THAP4: variants seen among roughly 807,000 people sequenced by gnomAD.
THAP4 encodes the protein THAP domain containing 4.
Under a neutral mutation model 48.1 loss-of-function variants are expected in THAP4, and 18 were observed. The observed-to-expected ratio is 0.37, with a 90% CI of 0.26 to 0.56. THAP4 has a LOEUF of 0.56. Among genes scored for constraint, THAP4 ranks in the 20% least tolerant of loss-of-function variants. The pLI is 0.78. For missense variants in THAP4, 656 were observed against 774.9 expected (o/e 0.85, Z 1.82); for synonymous variants, 345 against 324.9 (o/e 1.06, Z -0.66).
chr2:241,621,729 CAG>C (rs1421783593), intron 2 of THAP4, among the ~76,000 whole-genome samples: 1 of 152,112 alleles, frequency 6.6e-6, no homozygotes, highest in Non-Finnish European at 1.5e-5. Flanking sequence ...AACCATAGTT[CAG>C]AGTTTTCCAA....
At chr2:241,605,171 C>T (rs1005559169) in intron 3 of THAP4, among the ~76,000 whole-genome samples, 1 of 151,970 alleles carries the variant, frequency 6.6e-6, no homozygotes, top group African/African-American at 2.4e-5. Flanking sequence ...ATTACTTTGA[C>T]CTCATGCATT....
In THAP4 at chr2:241,629,407, G is replaced by T. The variant is rs573477145; in HGVS notation, c.1240+3510C>A. Among the ~76,000 whole-genome samples the T allele has an allele frequency of 4.7e-4, 72 of 151,866 alleles. 1 individual carries two copies. Among genetic ancestry groups the T allele is most frequent in the Non-Finnish European group, 9.1e-4 (62 of 67,940 alleles). On this transcript the variant is annotated intron_variant, in intron 2 of 5. Coordinates refer to ENST00000407315, the MANE Select transcript of THAP4 (RefSeq NM_015963.6). ...GATGGCTTGAGCCCAGGAGGTCAAG[G>T]CTGCAGTGAGCTGTGATAGGACCAC...
chr2:241,599,578 T>G (rs2067088325), intron 5 of THAP4, among the ~76,000 whole-genome samples: 1 of 152,192 alleles, frequency 6.6e-6, no homozygotes, highest in Non-Finnish European at 1.5e-5. Context: ...AAGACCTGTA[T>G]AATTAAAACT....
At chr2:241,591,014 A>C (rs201227898) in intron 5 of THAP4, among the ~76,000 whole-genome samples, 188 of 68,524 alleles carry the variant, frequency 2.7e-3, no homozygotes, top group South Asian at 9.7e-3. Flanking sequence ...AATGGGCACT[A>C]GGACACACAG....
At chr2:241,608,926 A>C (rs1458909325) in intron 2 of THAP4, among the ~76,000 whole-genome samples, 1 of 152,228 alleles carries the variant, frequency 6.6e-6, no homozygotes, top group East Asian at 1.9e-4. Context: ...GAAGTGCCAG[A>C]GACGGAGGTC....
intron 5 of THAP4, among the ~76,000 whole-genome samples, chr2:241,585,361 G>A (rs1032247989): frequency 6.6e-6 from 1 of 150,502 alleles, no homozygotes; most frequent in Admixed American, 6.7e-5. Context: ...TCTCTGATGG[G>A]CACTATCTCT....
chr2:241,628,925 CAAAAAAAAAAAAA>C (rs34034619), intron 2 of THAP4, among the ~76,000 whole-genome samples: 1 of 64,348 alleles, frequency 1.6e-5, no homozygotes, highest in Non-Finnish European at 2.9e-5. Flanking sequence ...GAGATTGTCT[CAAAAAAAAAAAAA>C]AAAAAAAAAA....
intron 2 of THAP4, among the ~76,000 whole-genome samples, chr2:241,619,802 C>T (rs1244349652): frequency 2.0e-5 from 1 of 50,198 alleles, no homozygotes; most frequent in Non-Finnish European, 3.7e-5. Context: ...GTGCGTGAGT[C>T]GTGAGTGAGG....
At chr2:241,636,111 T>C (rs2067645183) in intron 1 of THAP4, among the ~76,000 whole-genome samples, 1 of 152,346 alleles carries the variant, frequency 6.6e-6, no homozygotes, top group Admixed American at 6.5e-5. Context: ...CTGGCTGACT[T>C]GTGAAATAAT....
intron 3 of THAP4, among the ~76,000 whole-genome samples, chr2:241,604,942 C>T (rs1034441301): frequency 6.6e-6 from 1 of 152,212 alleles, no homozygotes; most frequent in Non-Finnish European, 1.5e-5. Flanking sequence ...CAAAGAAATA[C>T]ATTTATACCA....
rs2067340634 is a variant in THAP4, at chr2:241,616,003, G to A, written c.1241-9530C>T. 6.6e-6 allele frequency among the ~76,000 whole-genome samples: 1 copy of A among 152,218 alleles called. No homozygotes were observed. ...TGGGGACACACTCTGCCCCAGTCCT[G>A]CAGCTGGAGCAGCCCAGAGCCCCTG... On this transcript the variant is annotated intron_variant, in intron 2 of 5. Transcript: ENST00000407315. This position sits in a 1 kb window ranked among gnomAD's most constrained non-coding sequence, Gnocchi z 4.6.
At chr2:241,590,677 T>G (rs2066956747) in intron 5 of THAP4, among the ~76,000 whole-genome samples, 1 of 151,874 alleles carries the variant, frequency 6.6e-6, no homozygotes, top group Non-Finnish European at 1.5e-5. Context: ...CACTCAGAGC[T>G]GCTCGGCTGA....
chr2:241,633,870 C>T lies in THAP4; in HGVS notation c.287G>A (p.Gly96Asp), dbSNP rs1233304598. ...ATCTTTTCTCCGGGTGCGGCCATGG[C>T]CTCCAGCCCCCCTCTTCTTCTCGGT... ...HLTEKKRGAG[G>D]HGRTRRKDAS... Residue 96 changes from glycine to aspartate, a missense_variant, in exon 2 of 6, where the codon GGC becomes GAC. Around this residue, in one of 4 missense-constraint regions of THAP4, gnomAD observed 391 missense variants for 412.4 expected, o/e 0.95. Coordinates refer to ENST00000407315, the MANE Select transcript of THAP4 (RefSeq NM_015963.6). The surrounding 1 kb of genome is among the most constrained non-coding windows in gnomAD (Gnocchi z 7.5). 3 of 1,613,838 alleles carry T rather than the reference C, an allele frequency of 1.9e-6. No homozygotes were observed. Among genetic ancestry groups the T allele is most frequent in the Non-Finnish European group, 1.7e-6 (2 of 1,179,826 alleles).
intron 2 of THAP4, among the ~76,000 whole-genome samples, chr2:241,631,098 T>C (rs1575040046): frequency 6.6e-6 from 1 of 152,132 alleles, no homozygotes; most frequent in East Asian, 1.9e-4. Context: ...CAGTATACAA[T>C]TTCAACCCAA....
At chr2:241,614,231 T>A (rs765850561) in intron 2 of THAP4, among the ~76,000 whole-genome samples, 59 of 150,872 alleles carry the variant, frequency 3.9e-4, no homozygotes, top group Non-Finnish European at 5.0e-4. Context: ...AAATGAGAGA[T>A]GCACCTAAAA....
In THAP4 at chr2:241,601,780, AG is replaced by A. The variant is rs758267935; in HGVS notation, c.1614+115del. 1 of 1,537,880 alleles carries A rather than the reference AG, an allele frequency of 6.5e-7. No homozygotes were observed. The highest frequency in any genetic ancestry group is 1.2e-5 in the South Asian group (1 of 83,994). ...GGGAAAAGAAGGAGACAGTGAAGAC[AG>A]GCCTGTGAGACACAGTGGCAAGACA... On this transcript the variant is annotated intron_variant, in intron 5 of 5. Coordinates refer to ENST00000407315, the MANE Select transcript of THAP4 (RefSeq NM_015963.6). The surrounding 1 kb of genome is among the most constrained non-coding windows in gnomAD (Gnocchi z 4.0).
Position 241,616,512 on chromosome 2 carries a change from T to C in THAP4, c.1241-10039A>G, listed in dbSNP as rs542243002. Among the ~76,000 whole-genome samples, 20 of 152,254 alleles carry C rather than the reference T, an allele frequency of 1.3e-4. No homozygotes were observed. Among genetic ancestry groups the C allele is most frequent in the African/African-American group, 4.6e-4 (19 of 41,570 alleles). ...GTGAGCTTTTGAGTGGACTTTGCTA[T>C]GTGCATGCCAGGTCAGGGAAGCAAG... On this transcript the variant is annotated intron_variant, in intron 2 of 5. Coordinates refer to ENST00000407315, the MANE Select transcript of THAP4 (RefSeq NM_015963.6). The surrounding 1 kb of genome is among the most constrained non-coding windows in gnomAD (Gnocchi z 4.6).
At chr2:241,599,494 T>C (rs1217381456) in intron 5 of THAP4, among the ~76,000 whole-genome samples, 1 of 152,084 alleles carries the variant, frequency 6.6e-6, no homozygotes, top group African/African-American at 2.4e-5. Context: ...AATCTGAAGA[T>C]TAAATGGGAA....
chr2:241,624,101 C>T (rs143741941), intron 2 of THAP4, among the ~76,000 whole-genome samples: 2,274 of 152,310 alleles, frequency 0.015, 51 homozygotes, highest in African/African-American at 0.052. Context: ...TTCCCACAGC[C>T]CTTTCCCTGG....
Sources: allele counts gnomAD v4.1 joint callset (sites outside exome capture counted in the v4.1 genomes callset), GRCh38; gene constraint gnomAD v4.1.1; regional missense constraint gnomAD v4.1.1; non-coding constraint Gnocchi (gnomAD v3.1); transcripts MANE v1.5; gene names NCBI Gene and HGNC (gene_info 2026-07-23, HGNC 2026-07-21).